Variants in MYO16 observed in about 807,000 individuals in gnomAD.
MYO16 encodes unconventional myosin-XVI.
Under a neutral mutation model 205.3 loss-of-function variants are expected in MYO16, and 94 were observed. The ratio of observed to expected loss-of-function variants is 0.46; its 90% CI spans 0.39 to 0.54. The LOEUF is 0.54. MYO16 is among the 20% of genes least tolerant of loss of function. The pLI is 0.00. For missense variants in MYO16, 2,315 were observed against 2,387.5 expected (o/e 0.97, Z 0.63); for synonymous variants, 988 against 954.0 (o/e 1.04, Z -0.66).
At chr13:108,528,578 C>CCTCCT in the MYO16 span, among the ~76,000 whole-genome samples, 1 of 95,594 alleles carries the variant, frequency 1.0e-5, no homozygotes. Flanking sequence ...TCTCCCCTCC[C>CCTCCT]CTCCCCTTTC....
chr13:108,989,980 A>C (rs956498417), intron 20 of MYO16, among the ~76,000 whole-genome samples: 1 of 152,118 alleles, frequency 6.6e-6, no homozygotes, highest in African/African-American at 2.4e-5. Flanking sequence ...TTGGTCTCCT[A>C]TTTGTATACA....
chr13:108,637,124 GTA>G (rs1880289235), intron 1 of MYO16, among the ~76,000 whole-genome samples: 1 of 152,122 alleles, frequency 6.6e-6, no homozygotes, highest in Non-Finnish European at 1.5e-5. Context: ...TAAACTTATA[GTA>G]TATGTCTCTT....
intron 9 of MYO16, among the ~76,000 whole-genome samples, chr13:108,833,464 C>A (rs908351939): frequency 6.6e-6 from 1 of 152,150 alleles, no homozygotes; most frequent in African/African-American, 2.4e-5. Context: ...TGAGAACTGT[C>A]TATTCAGTCA....
intron 16 of MYO16, among the ~76,000 whole-genome samples, chr13:108,926,592 A>T (rs1882017595): frequency 6.6e-6 from 1 of 152,146 alleles, no homozygotes; most frequent in Non-Finnish European, 1.5e-5. Flanking sequence ...TTCATGAAAA[A>T]GTCACCAGGA....
chr13:108,855,276 G>GTTTTTTTTTTTTTTTTTTTTT, intron 10 of MYO16, 167 bp from the exon 11 acceptor site: 1 of 315,866 alleles, frequency 3.2e-6, no homozygotes, highest in South Asian at 9.6e-5. Context: ...TGGCTTTAGA[G>GTTTTTTTTTTTTTTTTTTTTT]TTTTTTTTTT....
At chr13:108,611,985 T>TTTTTTTTTTTTTTTC (rs1879192377) in intron 1 of MYO16, among the ~76,000 whole-genome samples, 17 of 142,976 alleles carry the variant, frequency 1.2e-4, no homozygotes, top group Non-Finnish European at 2.1e-4. Context: ...TTTTTTTTTT[T>TTTTTTTTTTTTTTTC]TTTTTTTTGA....
At chr13:108,669,974 A>G (rs12429023) in intron 2 of MYO16, among the ~76,000 whole-genome samples, 5,253 of 152,282 alleles carry the variant, frequency 0.034, 133 homozygotes, top group South Asian at 0.12. Context: ...CCTAATGTAC[A>G]TGGGGCTTAA....
At chr13:108,752,163 A>C (rs113001523) in intron 4 of MYO16, among the ~76,000 whole-genome samples, 5,135 of 152,296 alleles carry the variant, frequency 0.034, 282 homozygotes, top group African/African-American at 0.12. Flanking sequence ...ATAAAATATT[A>C]ATTTAAAATG....
intron 18 of MYO16, among the ~76,000 whole-genome samples, chr13:108,961,862 C>A (rs1883597304): frequency 6.6e-6 from 1 of 152,164 alleles, no homozygotes; most frequent in Non-Finnish European, 1.5e-5. Flanking sequence ...TTTATGTTCT[C>A]ATTCTGTGCA....
intron 16 of MYO16, among the ~76,000 whole-genome samples, chr13:108,923,170 G>A (rs1881823220): frequency 1.3e-5 from 2 of 152,202 alleles, no homozygotes; most frequent in African/African-American, 4.8e-5. Context: ...CACTCACAGG[G>A]AAGGAGAGGC....
chr13:108,516,763 A>G, the MYO16 span, among the ~76,000 whole-genome samples: 1 of 152,124 alleles, frequency 6.6e-6, no homozygotes, highest in African/African-American at 2.4e-5. Context: ...TGTGATTGTG[A>G]ACTTTATGTG....
At chr13:109,064,367 AG>A (rs1300312106) in intron 27 of MYO16, among the ~76,000 whole-genome samples, 1 of 152,166 alleles carries the variant, frequency 6.6e-6, no homozygotes, top group Non-Finnish European at 1.5e-5. Context: ...TGAAGGAAAA[AG>A]TCTGATCTAC....
intron 21 of MYO16, among the ~76,000 whole-genome samples, chr13:109,006,571 G>T (rs184150741): frequency 2.6e-5 from 4 of 151,936 alleles, no homozygotes; most frequent in African/African-American, 4.8e-5. Flanking sequence ...AAAAGCTTTC[G>T]CATTTCTTTA....
intron 4 of MYO16, among the ~76,000 whole-genome samples, chr13:108,783,404 G>A (rs1371090133): frequency 1.3e-5 from 2 of 152,186 alleles, no homozygotes; most frequent in Non-Finnish European, 2.9e-5. Context: ...TATCTAAGAA[G>A]TAAGTAGCTT....
chr13:108,572,840 T>C, the MYO16 span, among the ~76,000 whole-genome samples: 875 of 152,268 alleles, frequency 5.7e-3, 10 homozygotes, highest in African/African-American at 0.02. Flanking sequence ...GTTAACAAGT[T>C]TTTGCTGTAG....
At chr13:108,730,856 TTC>T (rs2139591237) in intron 4 of MYO16, among the ~76,000 whole-genome samples, 1 of 152,360 alleles carries the variant, frequency 6.6e-6, no homozygotes, top group South Asian at 2.1e-4. Context: ...TAGACACTCC[TTC>T]TCTGTACTTT....
the MYO16 span, among the ~76,000 whole-genome samples, chr13:108,506,841 T>G: frequency 6.6e-6 from 1 of 152,126 alleles, no homozygotes; most frequent in Non-Finnish European, 1.5e-5. Context: ...ATATATGACC[T>G]TTATTATGTT....
rs1876191179 is a variant in MYO16, at chr13:109,125,258, G to A, written c.3682G>A (p.Asp1228Asn). ...YDALVIQNAS[D>N]IARENDRLRS... ...TGCCCTGGTCATTCAGAATGCTTCA[G>A]ACATTGCCCGGGAAAATGACCGGCT... The change falls in exon 30 of 35, where the codon GAC (aspartate) becomes AAC (asparagine). Residue 1228 changes from aspartate (D) to asparagine (N), a missense_variant. Around this residue, in one of 3 missense-constraint regions of MYO16, gnomAD observed 1,097 missense variants for 1,092.0 expected, o/e 1.00. Coordinates refer to ENST00000457511, the MANE Select transcript of MYO16 (RefSeq NM_001198950.3). This position sits in a 1 kb window ranked among gnomAD's most constrained non-coding sequence, Gnocchi z 4.0. 6 of 1,614,022 alleles carry A rather than the reference G, an allele frequency of 3.7e-6. No homozygotes were observed. Among genetic ancestry groups the A allele is most frequent in the Non-Finnish European group, 5.1e-6 (6 of 1,180,042 alleles).
intron 16 of MYO16, among the ~76,000 whole-genome samples, chr13:108,912,915 A>G (rs1454343201): frequency 6.6e-6 from 1 of 152,200 alleles, no homozygotes; most frequent in African/African-American, 2.4e-5. Context: ...AATGTAACCT[A>G]TAATTTAAAT....
Sources: allele counts gnomAD v4.1 joint callset (sites outside exome capture counted in the v4.1 genomes callset), GRCh38; gene constraint gnomAD v4.1.1; regional missense constraint gnomAD v4.1.1; non-coding constraint Gnocchi (gnomAD v3.1); transcripts MANE v1.5; gene names NCBI Gene and HGNC (gene_info 2026-07-23, HGNC 2026-07-21).